Variants in NR2C1 observed in about 807,000 individuals in gnomAD.
NR2C1 encodes the protein TR2 nuclear hormone receptor.
NR2C1 carries 33 observed loss-of-function variants against 74.8 expected under a neutral mutation model. The observed-to-expected ratio is 0.44, with a 90% confidence interval of 0.33 to 0.59. The LOEUF is 0.59. Ranked by LOEUF, NR2C1 falls within the 20% of genes least tolerant of loss-of-function variation. The pLI is 0.02. For synonymous variants in NR2C1, 225 were observed against 240.6 expected, an observed-to-expected ratio of 0.94 and a Z score of 0.60; for missense variants, 568 against 715.6, an observed-to-expected ratio of 0.79 and a Z score of 2.35.
At chr12:95,023,579 C>G (rs571006121) in intron 13 of NR2C1, among the ~76,000 whole-genome samples, 7 of 148,576 alleles carry the variant, frequency 4.7e-5, no homozygotes, top group Non-Finnish European at 4.4e-5. Context: ...ATTGAACTGC[C>G]CACTACTTAT....
intron 13 of NR2C1, among the ~76,000 whole-genome samples, chr12:95,023,947 T>C (rs1265551849): frequency 6.6e-6 from 1 of 152,176 alleles, no homozygotes; most frequent in Non-Finnish European, 1.5e-5. Context: ...CCTAACGCCT[T>C]GCACTCTAAC....
chr12:95,042,646 T>C (rs1871717872), intron 9 of NR2C1, among the ~76,000 whole-genome samples: 1 of 152,208 alleles, frequency 6.6e-6, no homozygotes, highest in Admixed American at 6.5e-5. Flanking sequence ...TGTTCATTAT[T>C]AGCCAAGAAT....
At chr12:95,043,689 C>CCAAAAAAAAAA (rs575940640) in intron 9 of NR2C1, among the ~76,000 whole-genome samples, 12 of 94,292 alleles carry the variant, frequency 1.3e-4, no homozygotes, top group African/African-American at 4.8e-4. Context: ...GACTCTGTCT[C>CCAAAAAAAAAA]AAAAAAAAAA....
intron 11 of NR2C1, 47 bp downstream of exon 11, chr12:95,031,302 C>A: frequency 6.9e-7 from 1 of 1,457,650 alleles, no homozygotes; most frequent in South Asian, 1.6e-5. Context: ...TAATGAAACT[C>A]ATGCCTCCTC....
intron 11 of NR2C1, 71 bp from the exon 12 acceptor site, chr12:95,028,595 T>A: frequency 8.6e-7 from 1 of 1,160,214 alleles, no homozygotes; most frequent in East Asian, 2.4e-5. Flanking sequence ...CCAATATATT[T>A]CCCTCTCAGG....
At chr12:95,028,802 G>C (rs529970524) in intron 11 of NR2C1, among the ~76,000 whole-genome samples, 1 of 151,880 alleles carries the variant, frequency 6.6e-6, no homozygotes, top group Non-Finnish European at 1.5e-5. Flanking sequence ...GCTAATTTTT[G>C]TATTTTTTGT....
intron 10 of NR2C1, among the ~76,000 whole-genome samples, chr12:95,036,543 C>G (rs58753543): frequency 0.012 from 1,783 of 149,274 alleles, 26 homozygotes; most frequent in African/African-American, 0.043. Context: ...GAGAGTCTCA[C>G]TCTGTCACCC....
chr12:95,028,146 G>A (rs1182022998), intron 12 of NR2C1: 1 of 332,968 alleles, frequency 3.0e-6, no homozygotes, highest in Non-Finnish European at 5.4e-6. Flanking sequence ...TATAAATAAT[G>A]CTGCTATGAC....
chr12:95,068,730 G>A (rs774419686), intron 1 of NR2C1, among the ~76,000 whole-genome samples: 3 of 151,864 alleles, frequency 2.0e-5, no homozygotes, highest in Non-Finnish European at 2.9e-5. Context: ...GGAGGCGGAG[G>A]TTGCGGTGAG....
At chr12:95,062,926 G>C (rs927130069) in intron 2 of NR2C1, 188 bp from the exon 3 acceptor site, 1 of 596,260 alleles carries the variant, frequency 1.7e-6, no homozygotes, top group African/African-American at 2.0e-5. Flanking sequence ...AGGTACAATA[G>C]TAAGAACATT....
intron 10 of NR2C1, among the ~76,000 whole-genome samples, chr12:95,036,172 G>GT (rs2136113694): frequency 6.7e-6 from 1 of 148,858 alleles, no homozygotes; most frequent in Non-Finnish European, 1.5e-5. Context: ...GACTATTGTA[G>GT]TTTATGTTCA....
chr12:95,049,041 C>G (rs765084919), intron 9 of NR2C1, 27 bp downstream of exon 9: 24 of 1,600,278 alleles, frequency 1.5e-5, no homozygotes, highest in Non-Finnish European at 1.7e-5. Flanking sequence ...ACACAACATA[C>G]AAGTTAAAAA....
rs940488332 is a variant in NR2C1, at chr12:95,073,559, T to A, written c.-187A>T. 8 of 152,220 alleles carry A rather than the reference T, an allele frequency of 5.3e-5. No individual in the cohort carries two copies. Among genetic ancestry groups the A allele is most frequent in the African/African-American group, 1.9e-4 (8 of 41,446 alleles). 9.4% of individuals were successfully genotyped at this position (152,220 alleles called of 1,614,324 possible). A position where few individuals can be genotyped will look rare whatever the true frequency, so the allele number is the denominator to read the frequency against. Reference sequence around the variant, plus strand: ...TTGGGTATTTCTGGGGGGTCAGAGTTCGTGACCTCTTTCTCGGCTCGGCGG... The same window carrying A: ...TTGGGTATTTCTGGGGGGTCAGAGTACGTGACCTCTTTCTCGGCTCGGCGG... On this transcript the variant is annotated 5_prime_UTR_variant, in exon 1 of 14. Coordinates refer to ENST00000333003, the MANE Select transcript of NR2C1 (RefSeq NM_003297.4).
At chr12:95,052,276 C>T (rs985792979) in intron 7 of NR2C1, among the ~76,000 whole-genome samples, 14 of 152,194 alleles carry the variant, frequency 9.2e-5, no homozygotes, top group Middle Eastern at 6.8e-3. Flanking sequence ...CTGCCTCAGC[C>T]TCCCAAGTAG....
chr12:95,022,691 A>C (rs1280613041), intron 13 of NR2C1, among the ~76,000 whole-genome samples: 4 of 148,536 alleles, frequency 2.7e-5, no homozygotes, highest in Non-Finnish European at 5.9e-5. Context: ...CCATGCATCA[A>C]GTTATACAAT....
At chr12:95,069,008 A>G (rs1438640168) in intron 1 of NR2C1, among the ~76,000 whole-genome samples, 1 of 152,130 alleles carries the variant, frequency 6.6e-6, no homozygotes, top group African/African-American at 2.4e-5. Context: ...AAAAGGACAC[A>G]TAAGAAAGAA....
At chr12:95,044,172 C>A (rs1014512363) in intron 9 of NR2C1, among the ~76,000 whole-genome samples, 1 of 152,110 alleles carries the variant, frequency 6.6e-6, no homozygotes, top group Non-Finnish European at 1.5e-5. Flanking sequence ...TTGACAAGAA[C>A]TAAACCTGAC....
intron 7 of NR2C1, among the ~76,000 whole-genome samples, chr12:95,054,843 G>A (rs1367855670): frequency 2.6e-5 from 4 of 151,820 alleles, no homozygotes; most frequent in African/African-American, 7.3e-5. Flanking sequence ...GTGGAGGGAC[G>A]GTCAGCAGAT....
chr12:95,055,291 G>A (rs1315839605), intron 7 of NR2C1, among the ~76,000 whole-genome samples: 1 of 152,192 alleles, frequency 6.6e-6, no homozygotes, highest in Admixed American at 6.5e-5. Context: ...AGAGTAGTTT[G>A]TCAAGGAAAC....
Sources: allele counts gnomAD v4.1 joint callset (sites outside exome capture counted in the v4.1 genomes callset), GRCh38; gene constraint gnomAD v4.1.1; transcripts MANE v1.5; gene names NCBI Gene and HGNC (gene_info 2026-07-23, HGNC 2026-07-21).